ATXN7L3: variants seen among roughly 807,000 people sequenced by gnomAD.
ATXN7L3 encodes ataxin 7 like 3.
A neutral mutation model predicts 50.0 loss-of-function variants in ATXN7L3; 6 were observed. The ratio of observed to expected loss-of-function variants is 0.12; its 90% CI spans 0.07 to 0.24. ATXN7L3 has a LOEUF of 0.24. Among genes scored for constraint, ATXN7L3 ranks in the 10% least tolerant of loss-of-function variants. The pLI is 1.00. For synonymous variants in ATXN7L3, 198 were observed against 165.8 expected, an observed-to-expected ratio of 1.19 and a Z score of -1.49; for missense variants, 322 against 451.3, an observed-to-expected ratio of 0.71 and a Z score of 2.60.
At chr17:44,196,550 C>T (rs950565735) in intron 5 of ATXN7L3, 132 bp from the exon 6 acceptor site, 23 of 1,129,410 alleles carry the variant, frequency 2.0e-5, no homozygotes, top group Non-Finnish European at 2.9e-5. Flanking sequence ...GAGGCCCAGG[C>T]GGGCAGATCA....
At chr17:44,195,674 A>T in intron 8 of ATXN7L3, 126 bp downstream of exon 8, 3 of 1,239,864 alleles carry the variant, frequency 2.4e-6, no homozygotes, top group Non-Finnish European at 3.5e-6. Context: ...AAGAACATAA[A>T]TATGTAAGAT....
chr17:44,198,372 A>G (rs2144493130), intron 1 of ATXN7L3: 1 of 385,560 alleles, frequency 2.6e-6, no homozygotes, highest in East Asian at 4.4e-5. Context: ...GGTCTATAGG[A>G]GGCAGCAGCT....
At chr17:44,196,858 C>T in intron 5 of ATXN7L3, 71 bp downstream of exon 5, 2 of 1,042,652 alleles carry the variant, frequency 1.9e-6, no homozygotes, top group Non-Finnish European at 3.0e-6. Context: ...CAATTTGTGA[C>T]CACTGTATAC....
In ATXN7L3 at chr17:44,195,807, G is replaced by A; in HGVS notation, c.545C>T (p.Pro182Leu). ...GGGGCGGCCCATACTCACCTTAAAA[G>A]GATCCGAATTGCTAAGTTCCCCTGA... ...HKNGELSNSD[P>L]FKYNNSTGIS... Residue 182 changes from proline (P) to leucine (L), a missense_variant, in exon 8 of 13, where the codon CCT (proline) becomes CTT (leucine). Physicochemically the swap from Pro to Leu is moderately conservative, Grantham distance 98. This residue lies in a region of ATXN7L3 where 95 missense variants were observed against 98.1 expected (regional missense o/e 0.97). Transcript: ENST00000587097. 2 of 1,611,090 alleles carry A rather than the reference G, an allele frequency of 1.2e-6. No homozygotes were observed. Among genetic ancestry groups the A allele is most frequent in the Non-Finnish European group, 1.7e-6 (2 of 1,177,890 alleles).
chr17:44,199,186 G>A (rs2056045607), intron 1 of ATXN7L3: 1 of 151,348 alleles, frequency 6.6e-6, no homozygotes, highest in African/African-American at 2.4e-5. Flanking sequence ...CCGGCCGGCC[G>A]GGGAGAGGAG....
In ATXN7L3 at chr17:44,191,961, A is replaced by C. The variant is rs1258098992; in HGVS notation, c.*2302T>G. ...AGCGTGAGCCCCACCCCCCTCCCCC[A>C]ATGACCCCAGCATGCGGTAATGCCA... On this transcript the variant is annotated 3_prime_UTR_variant, in exon 13 of 13. Coordinates refer to ENST00000587097, the MANE Select transcript of ATXN7L3 (RefSeq NM_001382309.1). 3.2e-5 allele frequency: 5 copies of C among 156,144 alleles called. No individual in the cohort carries two copies. The highest frequency in any genetic ancestry group is 4.2e-4 in the South Asian group (2 of 4,774). The allele number at this position is 156,144 out of a possible 1,614,324, so 9.7% of individuals were successfully genotyped here.
chr17:44,195,132 C>T lies in ATXN7L3; in HGVS notation c.630G>A (p.Gly210=). The T allele has an allele frequency of 6.2e-7, 1 of 1,614,062 alleles. No homozygotes were observed. The highest frequency in any genetic ancestry group is 8.5e-7 in the Non-Finnish European group (1 of 1,179,964). The change falls in exon 10 of 13, where the codon GGG becomes GGA. Residue 210 remains glycine (G), a synonymous_variant. Transcript: ENST00000587097. The part of the protein sequence containing the change: ...ELRSLLTTQC[G]VISEHTKKMC... ...TCTTCTTGGTGTGTTCAGAAATCAC[C>T]CCACATTGCTGGAAGAGGAATATAA...
At chr17:44,195,373 T>C in intron 9 of ATXN7L3, 46 bp downstream of exon 9, 1 of 1,584,044 alleles carries the variant, frequency 6.3e-7, no homozygotes. Flanking sequence ...TGCCTATGGC[T>C]CCAGCCCACT....
chr17:44,193,973 A>C lies in ATXN7L3; in HGVS notation c.*290T>G. ...AGTGCCCAGGTCAGGCCCCTGGCCT[A>C]GCTGGACATCCAGTAACTCACAGAA... On this transcript the variant is annotated 3_prime_UTR_variant, in exon 13 of 13. Transcript: ENST00000587097. 3 of 369,426 alleles carry C rather than the reference A, an allele frequency of 8.1e-6. No individual in the cohort carries two copies. The South Asian group carries it at 9.4e-5, about 12-fold the overall frequency. 22.9% of individuals were successfully genotyped at this position (369,426 alleles called of 1,614,324 possible). A position where few individuals can be genotyped will look rare whatever the true frequency, so the allele number is the denominator to read the frequency against.
At position 44,193,883 on chromosome 17, in the gene ATXN7L3, CCACA is replaced by C; in HGVS notation, c.*376_*379del. 1 of 197,194 alleles carries C rather than the reference CCACA, an allele frequency of 5.1e-6. No homozygotes were observed. The highest frequency in any genetic ancestry group is 1.0e-5 in the Non-Finnish European group (1 of 96,342). The allele number at this position is 197,194 out of a possible 1,614,324, so 12.2% of individuals were successfully genotyped here. A position where few individuals can be genotyped will look rare whatever the true frequency, so the allele number is the denominator to read the frequency against. ...TTCCAACCCACAGCCTCCCGGGTCG[CCACA>C]TTGCCCCTCAGCAGGGCTTAGTCCA... On this transcript the variant is annotated 3_prime_UTR_variant, in exon 13 of 13. Coordinates refer to ENST00000587097, the MANE Select transcript of ATXN7L3 (RefSeq NM_001382309.1).
At chr17:44,196,307 T>C in intron 6 of ATXN7L3, 89 bp downstream of exon 6, 1 of 1,424,170 alleles carries the variant, frequency 7.0e-7, no homozygotes, top group Non-Finnish European at 9.5e-7. Flanking sequence ...ACCTCAGCCT[T>C]GAGTCATGAC....
intron 7 of ATXN7L3, 53 bp downstream of exon 7, chr17:44,195,981 T>C: frequency 7.2e-7 from 1 of 1,391,420 alleles, no homozygotes; most frequent in Non-Finnish European, 9.9e-7. Flanking sequence ...CCCCCGGCAA[T>C]GAGTCCCAGA....
At chr17:44,197,947 G>T (rs2055980556) in intron 2 of ATXN7L3, 73 bp downstream of exon 2, 1 of 1,563,160 alleles carries the variant, frequency 6.4e-7, no homozygotes, top group Non-Finnish European at 8.8e-7. Flanking sequence ...TTCCTCTTTG[G>T]TGTGGATGCC....
Position 44,194,414 on chromosome 17 carries a change from G to A in ATXN7L3, c.896-3C>T, listed in dbSNP as rs762079575. On this transcript the variant is annotated splice_region_variant and splice_polypyrimidine_tract_variant and intron_variant, in intron 12 of 12. Coordinates refer to ENST00000587097, the MANE Select transcript of ATXN7L3 (RefSeq NM_001382309.1). Reference sequence around the variant, plus strand: ...CCGTGACTCAGAGCTGTTGGTACCTGTAGAGAAAGAGACACAAGGGATGAG... The same window carrying A: ...CCGTGACTCAGAGCTGTTGGTACCTATAGAGAAAGAGACACAAGGGATGAG... The A allele has an allele frequency of 6.8e-6, 11 of 1,613,978 alleles. No homozygotes were observed. Among genetic ancestry groups the A allele is most frequent in the Non-Finnish European group, 9.3e-6 (11 of 1,180,014 alleles).
In ATXN7L3 at chr17:44,196,993, C is replaced by G; in HGVS notation, c.390G>C (p.Glu130Asp). The part of the protein sequence containing the change: ...IANSNNMNKS[E>D]SDQEDNDDIN... The stretch of plus-strand genomic sequence containing the variant: ...TGTCATCATTATCTTCTTGGTCACT[C>G]TCAGACTTATTCATATTGTTGCTAT... Residue 130 changes from glutamate to aspartate, a missense_variant, in exon 5 of 13, where the codon GAG (glutamate) becomes GAC (aspartate). By Grantham distance (45) the Glu-to-Asp change is conservative. Transcript: ENST00000587097. The G allele has an allele frequency of 6.2e-7, 1 of 1,613,628 alleles. No individual in the cohort carries two copies. The highest frequency in any genetic ancestry group is 8.5e-7 in the Non-Finnish European group (1 of 1,179,762).
chr17:44,194,688 G>A lies in ATXN7L3; in HGVS notation c.738-14C>T. On this transcript the variant is annotated splice_polypyrimidine_tract_variant and intron_variant, in intron 11 of 12. Coordinates refer to ENST00000587097, the MANE Select transcript of ATXN7L3 (RefSeq NM_001382309.1). ...TCTGGAAGGACACTGGAAAGGGGAT[G>A]AGCCAAAGAAGGGCTTTAGAGATAG... 3 of 1,613,908 alleles carry A rather than the reference G, an allele frequency of 1.9e-6. No individual in the cohort carries two copies. The highest frequency in any genetic ancestry group is 2.5e-6 in the Non-Finnish European group (3 of 1,179,818).
Position 44,193,943 on chromosome 17 carries a change from G to A in ATXN7L3, c.*320C>T. 1 of 297,076 alleles carries A rather than the reference G, an allele frequency of 3.4e-6. No homozygotes were observed. The allele number at this position is 297,076 out of a possible 1,614,324, so 18.4% of individuals were successfully genotyped here. On this transcript the variant is annotated 3_prime_UTR_variant, in exon 13 of 13. Transcript: ENST00000587097. ...TGGGGTGGGGGGCAGGCAGTGCCCT[G>A]GCACAGTGCCCAGGTCAGGCCCCTG...
At position 44,195,718 on chromosome 17, in the gene ATXN7L3, A is replaced by G. The variant is rs373123626; in HGVS notation, c.552+82T>C. Reference sequence around the variant, plus strand: ...CTCATCAGTGCCTCTGGCTGTCAGCATTCTGATCCCTACTTGTCCAAATCC... The same window carrying G: ...CTCATCAGTGCCTCTGGCTGTCAGCGTTCTGATCCCTACTTGTCCAAATCC... On this transcript the variant is annotated intron_variant, in intron 8 of 12. Coordinates refer to ENST00000587097, the MANE Select transcript of ATXN7L3 (RefSeq NM_001382309.1). 258 of 1,471,288 alleles carry G rather than the reference A, an allele frequency of 1.8e-4. No individual in the cohort carries two copies. The African/African-American group carries it at 3.3e-3, about 19-fold the overall frequency. 91.1% of individuals were successfully genotyped at this position (1,471,288 alleles called of 1,614,324 possible).
chr17:44,195,322 C>T, intron 9 of ATXN7L3, 97 bp downstream of exon 9: 1 of 1,420,064 alleles, frequency 7.0e-7, no homozygotes, highest in South Asian at 1.2e-5. Context: ...CGATACGGCC[C>T]TGACTGCTAG....
Sources: allele counts gnomAD v4.1 joint callset, GRCh38; gene constraint gnomAD v4.1.1; regional missense constraint gnomAD v4.1.1; transcripts MANE v1.5; gene names NCBI Gene and HGNC (gene_info 2026-07-23, HGNC 2026-07-21).